PALM: variants seen among roughly 807,000 people sequenced by gnomAD.
The protein encoded by PALM is paralemmin, also known as paralemmin-1.
Under a neutral mutation model 30.7 loss-of-function variants are expected in PALM, and 18 were observed. That is an observed-to-expected ratio of 0.59 (90% CI 0.41 to 0.87). The LOEUF is 0.87. Ranked by LOEUF, PALM falls within the 40% of genes least tolerant of loss-of-function variation. The pLI is 0.00. For synonymous variants in PALM, 286 were observed against 242.8 expected (o/e 1.18, Z -1.66); for missense variants, 529 against 555.4 (o/e 0.95, Z 0.48).
intron 1 of PALM, among the ~76,000 whole-genome samples, chr19:714,317 C>A (rs1388730216): frequency 7.2e-6 from 1 of 138,886 alleles, no homozygotes; most frequent in Admixed American, 7.2e-5. Context: ...TGGGATTACA[C>A]GCATGAGCCA....
At chr19:729,651 G>A (rs914502409) in intron 4 of PALM, among the ~76,000 whole-genome samples, 1 of 151,666 alleles carries the variant, frequency 6.6e-6, no homozygotes, top group African/African-American at 2.4e-5. Context: ...TAGTAGAGAC[G>A]GGGTTTCACC....
intron 5 of PALM, among the ~76,000 whole-genome samples, chr19:732,890 G>A (rs981798587): frequency 1.4e-4 from 21 of 151,672 alleles, no homozygotes; most frequent in Non-Finnish European, 5.9e-5. Context: ...TGTGGGTTTC[G>A]TGGGAGGGCT....
chr19:734,238 G>A (rs367712275), intron 6 of PALM, 44 bp downstream of exon 6: 53 of 1,600,766 alleles, frequency 3.3e-5, no homozygotes, highest in Non-Finnish European at 4.4e-5. Context: ...GCGCACTCTG[G>A]TGGCCAGAGA....
intron 4 of PALM, among the ~76,000 whole-genome samples, chr19:729,458 CTTTTTTTTTTTT>C (rs34688325): frequency 2.8e-5 from 2 of 72,684 alleles, no homozygotes; most frequent in Non-Finnish European, 2.6e-5. Flanking sequence ...CACGGTGCGT[CTTTTTTTTTTTT>C]TTTTTTTTTT....
rs200600082 is a variant in PALM at position 734,146 on chromosome 19, C to T, written c.421-27C>T. 7.6e-5 allele frequency: 122 copies of T among 1,613,708 alleles called. No individual in the cohort carries two copies. The East Asian group carries it at 2.5e-3, about 33-fold the overall frequency. Reference sequence around the variant, plus strand: ...CCTCTTCCCGGGGATGCTGACGCCCCTGACCCTTCTCTCTTCTTTCTTGCA... The same window carrying T: ...CCTCTTCCCGGGGATGCTGACGCCCTTGACCCTTCTCTCTTCTTTCTTGCA... On this transcript the variant is annotated intron_variant, in intron 5 of 8. Transcript: ENST00000338448.
intron 1 of PALM, among the ~76,000 whole-genome samples, chr19:717,915 A>G (rs940666449): frequency 1.2e-4 from 19 of 152,054 alleles, no homozygotes; most frequent in Non-Finnish European, 1.9e-4. Flanking sequence ...GGAAGACAAG[A>G]TCACGCCTGT....
At chr19:711,549 A>G (rs546948394) in intron 1 of PALM, among the ~76,000 whole-genome samples, 487 of 152,280 alleles carry the variant, frequency 3.2e-3, no homozygotes, top group Middle Eastern at 0.01. Flanking sequence ...CTTTTTAATG[A>G]GAGGCAGAGC....
chr19:726,019 G>A (rs762876551), intron 1 of PALM, 119 bp from the exon 2 acceptor site: 10 of 771,834 alleles, frequency 1.3e-5, no homozygotes, highest in Admixed American at 8.3e-5. Flanking sequence ...CTGGGGTTCA[G>A]AGATGAAATC....
intron 8 of PALM, among the ~76,000 whole-genome samples, chr19:741,234 A>G (rs560639425): frequency 1.4e-4 from 21 of 152,170 alleles, no homozygotes; most frequent in Admixed American, 3.3e-4. Context: ...CAGGGTGAGG[A>G]TGGGGCCGGG....
chr19:730,032 C>T (rs1354234444), intron 4 of PALM, among the ~76,000 whole-genome samples: 1 of 152,226 alleles, frequency 6.6e-6, no homozygotes, highest in Admixed American at 6.5e-5. Flanking sequence ...TCAGAGGCTT[C>T]AGCTTCACCC....
chr19:738,491 A>G (rs751188297), intron 7 of PALM, among the ~76,000 whole-genome samples: 1 of 151,692 alleles, frequency 6.6e-6, no homozygotes, highest in African/African-American at 2.4e-5. Context: ...ACGCCACTGC[A>G]CTCCAGCCTG....
In PALM at chr19:741,484, GGTGAGGGGA is replaced by G. The variant is rs1282601561; in HGVS notation, c.634+1003_634+1011del. ...GGGGTGAGGGGAGACGGGCTGCAGG[GGTGAGGGGA>G]GCTGGGCTGCAGGGGTGAGGGGAGA... On this transcript the variant is annotated intron_variant, in intron 8 of 8. Coordinates refer to ENST00000338448, the MANE Select transcript of PALM (RefSeq NM_002579.3). 8.8e-5 allele frequency among the ~76,000 whole-genome samples: 12 copies of G among 136,218 alleles called. 1 individual carries two copies. Among genetic ancestry groups the G allele is most frequent in the African/African-American group, 3.4e-4 (12 of 35,612 alleles). The allele number at this position is 136,218 out of a possible 152,430, so 89.4% of individuals were successfully genotyped here.
chr19:744,892 A>G (rs1264945246), intron 8 of PALM, among the ~76,000 whole-genome samples: 1 of 118,246 alleles, frequency 8.5e-6, no homozygotes. Flanking sequence ...AGTCAAAAAA[A>G]AAAAGCAGCA....
intron 8 of PALM, among the ~76,000 whole-genome samples, chr19:741,539 T>C (rs2033196536): frequency 8.6e-6 from 1 of 116,334 alleles, no homozygotes; most frequent in Admixed American, 9.4e-5. Context: ...GGAGACGGGC[T>C]GCAGGGGTGA....
chr19:722,129 A>G lies in PALM; in HGVS notation c.6-4009A>G, dbSNP rs187614415. On this transcript the variant is annotated intron_variant, in intron 1 of 8. Coordinates refer to ENST00000338448, the MANE Select transcript of PALM (RefSeq NM_002579.3). ...GAGACGGGGTTTCACCGTGTTAGCCAGGATGGTCTCGATCTCCTGACCTCG... is the reference window on the plus strand; with the variant it reads ...GAGACGGGGTTTCACCGTGTTAGCCGGGATGGTCTCGATCTCCTGACCTCG... Among the ~76,000 whole-genome samples, 945 of 150,622 alleles carry G rather than the reference A, an allele frequency of 6.3e-3. 4 individuals are homozygous for G. The highest frequency in any genetic ancestry group is 0.02 in the African/African-American group (832 of 40,914).
chr19:709,266 A>G lies in PALM; in HGVS notation c.5+115A>G, dbSNP rs2031990278. 4 of 260,356 alleles carry G rather than the reference A, an allele frequency of 1.5e-5. No homozygotes were observed. Among genetic ancestry groups the G allele is most frequent in the Admixed American group, 5.6e-5 (1 of 17,964 alleles). The allele number at this position is 260,356 out of a possible 1,614,324, so 16.1% of individuals were successfully genotyped here. ...GGGCGTCGCTGCCCCCGCGAGGAGC[A>G]GGAGGCGGCGCGGGGCTGCTGGGGC... On this transcript the variant is annotated intron_variant, in intron 1 of 8. Coordinates refer to ENST00000338448, the MANE Select transcript of PALM (RefSeq NM_002579.3). This position sits in a 1 kb window ranked among gnomAD's most constrained non-coding sequence, Gnocchi z 4.3.
intron 1 of PALM, among the ~76,000 whole-genome samples, chr19:713,222 T>A (rs923505043): frequency 2.6e-5 from 4 of 151,984 alleles, no homozygotes; most frequent in Non-Finnish European, 5.9e-5. Context: ...CTTTCAATCC[T>A]GGTGTGTTTA....
chr19:719,018 G>C, intron 1 of PALM: 2 of 394,202 alleles, frequency 5.1e-6, no homozygotes, highest in Non-Finnish European at 6.7e-6. Flanking sequence ...ACACCTCGCA[G>C]CCCCGCGTGA....
intron 1 of PALM, among the ~76,000 whole-genome samples, chr19:723,398 G>A (rs769023112): frequency 4.6e-5 from 7 of 152,034 alleles, no homozygotes; most frequent in African/African-American, 1.4e-4. Flanking sequence ...CCTGGTTCCC[G>A]CCAGGCCCTG....
Sources: allele counts gnomAD v4.1 joint callset (sites outside exome capture counted in the v4.1 genomes callset), GRCh38; gene constraint gnomAD v4.1.1; non-coding constraint Gnocchi (gnomAD v3.1); transcripts MANE v1.5; gene names NCBI Gene and HGNC (gene_info 2026-07-23, HGNC 2026-07-21).